Variants in ADRA1B observed in about 807,000 individuals in gnomAD.
The protein encoded by ADRA1B is adrenoceptor alpha 1B.
A neutral mutation model predicts 17.9 loss-of-function variants in ADRA1B; 17 were observed. The ratio of observed to expected loss-of-function variants is 0.95; its 90% confidence interval spans 0.65 to 1.42. ADRA1B has a LOEUF of 1.42. Among genes scored for constraint, ADRA1B ranks in the 40% most tolerant of loss-of-function variants. The pLI is 0.00. For missense variants in ADRA1B, 681 were observed against 722.1 expected, an observed-to-expected ratio of 0.94 and a Z score of 0.65; for synonymous variants, 366 against 327.6, an observed-to-expected ratio of 1.12 and a Z score of -1.27.
chr5:159,895,087 A>T (rs1754027703), intron 1 of ADRA1B, among the ~76,000 whole-genome samples: 1 of 152,240 alleles, frequency 6.6e-6, no homozygotes, highest in Non-Finnish European at 1.5e-5. Context: ...ACAGCTCTTC[A>T]ATTTGTTCAG....
intron 1 of ADRA1B, among the ~76,000 whole-genome samples, chr5:159,899,620 T>C (rs1338145000): frequency 6.6e-6 from 1 of 152,166 alleles, no homozygotes; most frequent in Non-Finnish European, 1.5e-5. Context: ...TAGATTTTGA[T>C]GTAAATGGAT....
At chr5:159,945,225 A>C (rs983767250) in intron 1 of ADRA1B, among the ~76,000 whole-genome samples, 13 of 152,278 alleles carry the variant, frequency 8.5e-5, no homozygotes, top group African/African-American at 3.1e-4. Flanking sequence ...AAATACAAAA[A>C]TTAACCAGGC....
At chr5:159,872,702 G>C (rs940414482) in intron 1 of ADRA1B, among the ~76,000 whole-genome samples, 3 of 152,114 alleles carry the variant, frequency 2.0e-5, no homozygotes, top group African/African-American at 7.2e-5. Context: ...GATAGACCAA[G>C]GTCCTGAGAG....
At chr5:159,895,320 AT>A (rs1380355435) in intron 1 of ADRA1B, among the ~76,000 whole-genome samples, 2 of 152,224 alleles carry the variant, frequency 1.3e-5, no homozygotes, top group African/African-American at 4.8e-5. Flanking sequence ...TCTTGTCTTT[AT>A]CAGAATTAAC....
downstream of ADRA1B, among the ~76,000 whole-genome samples, chr5:159,976,129 A>C (rs926632722): frequency 2.0e-5 from 3 of 152,236 alleles, no homozygotes; most frequent in African/African-American, 7.2e-5. Flanking sequence ...TTGGGGGATC[A>C]AATGAGATCA....
chr5:159,988,047 G>A, the ADRA1B span, among the ~76,000 whole-genome samples: 1 of 152,188 alleles, frequency 6.6e-6, no homozygotes, highest in Non-Finnish European at 1.5e-5. Context: ...GAGATGGGGG[G>A]ATTAGCCTGG....
chr5:159,914,332 C>T (rs1448992285), upstream of ADRA1B, among the ~76,000 whole-genome samples: 1 of 152,188 alleles, frequency 6.6e-6, no homozygotes, highest in Non-Finnish European at 1.5e-5. Context: ...GAGCACTGTC[C>T]TGTAGGCCAG....
chr5:159,927,544 G>A (rs1191514419), intron 1 of ADRA1B, among the ~76,000 whole-genome samples: 1 of 152,042 alleles, frequency 6.6e-6, no homozygotes, highest in Non-Finnish European at 1.5e-5. Context: ...CTTTGCGAAT[G>A]CTCTGAAGAC....
At chr5:159,988,975 C>T in the ADRA1B span, among the ~76,000 whole-genome samples, 1 of 152,202 alleles carries the variant, frequency 6.6e-6, no homozygotes, top group Non-Finnish European at 1.5e-5. Flanking sequence ...TGAGGATGGG[C>T]ATATAAATAT....
intron 1 of ADRA1B, among the ~76,000 whole-genome samples, chr5:159,922,361 G>A (rs1339042802): frequency 6.6e-6 from 1 of 152,210 alleles, no homozygotes; most frequent in East Asian, 1.9e-4. Flanking sequence ...AGGGCCAAAA[G>A]TTGAATCCAA....
At chr5:159,930,934 C>A in intron 1 of ADRA1B, among the ~76,000 whole-genome samples, 1 of 148,102 alleles carries the variant, frequency 6.8e-6, no homozygotes, top group African/African-American at 2.5e-5. Context: ...TATCAATGGC[C>A]AAAAAAGAAG....
chr5:159,903,020 G>T (rs560626858), intron 1 of ADRA1B, among the ~76,000 whole-genome samples: 2 of 152,144 alleles, frequency 1.3e-5, no homozygotes, highest in Non-Finnish European at 1.5e-5. Context: ...CATCCCCCGC[G>T]GTTACCTAGG....
chr5:159,891,837 C>A (rs947460163), intron 1 of ADRA1B, among the ~76,000 whole-genome samples: 1 of 152,106 alleles, frequency 6.6e-6, no homozygotes, highest in East Asian at 1.9e-4. Flanking sequence ...AGGGGAGAGC[C>A]GCCTTAGGAT....
chr5:159,947,836 TA>T (rs1354718705), intron 1 of ADRA1B: 10 of 985,430 alleles, frequency 1.0e-5, no homozygotes, highest in Middle Eastern at 5.2e-4. Context: ...TATTATCCGT[TA>T]TTGAGAAAGG....
intron 1 of ADRA1B, among the ~76,000 whole-genome samples, chr5:159,943,611 C>T (rs538172049): frequency 2.6e-5 from 4 of 152,186 alleles, no homozygotes; most frequent in Non-Finnish European, 5.9e-5. Context: ...CCTCGAAATT[C>T]TTTTATGCTT....
chr5:159,966,233 G>C (rs1755774108), intron 1 of ADRA1B, among the ~76,000 whole-genome samples: 1 of 152,190 alleles, frequency 6.6e-6, no homozygotes. Flanking sequence ...CCCAATCAGG[G>C]ATTTACAGGG....
At position 159,969,600 on chromosome 5, in the gene ADRA1B, A is replaced by G. The variant is rs541876982; in HGVS notation, c.950-2279A>G. ...ATCCCTCCCATTCAGATATGCTCTA[A>G]GAGTGTTGGCTCTTCTTTTCACAAA... is the stretch of plus-strand genomic sequence containing the variant. On this transcript the variant is annotated intron_variant, in intron 1 of 1. Coordinates refer to ENST00000306675, the MANE Select transcript of ADRA1B (RefSeq NM_000679.4). Among the ~76,000 whole-genome samples the G allele has an allele frequency of 3.1e-3, 473 of 152,334 alleles. 2 individuals carry two copies. Among genetic ancestry groups the G allele is most frequent in the Non-Finnish European group, 5.8e-3 (392 of 68,036 alleles).
At chr5:159,924,553 A>G (rs1321922001) in intron 1 of ADRA1B, among the ~76,000 whole-genome samples, 1 of 152,178 alleles carries the variant, frequency 6.6e-6, no homozygotes, top group South Asian at 2.1e-4. Flanking sequence ...GATCTGGGGC[A>G]GAGGGGCAGG....
chr5:159,960,063 T>G (rs909568144), intron 1 of ADRA1B, among the ~76,000 whole-genome samples: 3 of 152,174 alleles, frequency 2.0e-5, no homozygotes, highest in Non-Finnish European at 4.4e-5. Context: ...CGAGGCACCC[T>G]CATGCCTATT....
Sources: gnomAD v4.1 joint callset for allele counts (sites outside exome capture counted in the v4.1 genomes callset) on GRCh38, gnomAD v4.1.1 for gene constraint, MANE v1.5 for transcripts, NCBI Gene and HGNC (gene_info 2026-07-23, HGNC 2026-07-21) for gene names.